PCNX2: variants seen among roughly 807,000 people sequenced by gnomAD.
PCNX2 encodes the protein pecanex-like protein 2.
PCNX2 carries 168 observed loss-of-function variants against 223.8 expected under a neutral mutation model. That is an observed-to-expected ratio of 0.75 (90% CI 0.66 to 0.85). The LOEUF (loss-of-function observed/expected upper bound fraction) is 0.85, where lower values mean the gene tolerates loss of function less well. Ranked by LOEUF, PCNX2 falls within the 40% of genes least tolerant of loss-of-function variation. The pLI, the probability that PCNX2 is intolerant of heterozygous loss-of-function variation, is 0.00. For synonymous variants in PCNX2, 1,006 were observed against 1,052.6 expected (o/e 0.96, Z 0.86); for missense variants, 2,507 against 2,675.5 (o/e 0.94, Z 1.39).
chr1:232,999,499 G>C lies in PCNX2; in HGVS notation c.5329-120C>G, dbSNP rs893967153. 83 of 1,196,790 alleles carry C rather than the reference G, an allele frequency of 6.9e-5. No homozygotes were observed. The East Asian group carries it at 1.2e-3, about 18-fold the overall frequency. 74.1% of individuals were successfully genotyped at this position (1,196,790 alleles called of 1,614,324 possible). ...ATAGAGTTTCGCTCTTGTTGCCCAGGCTGGAGTGCAATGGTGCAATCTCAG... is the reference window on the plus strand; with the variant it reads ...ATAGAGTTTCGCTCTTGTTGCCCAGCCTGGAGTGCAATGGTGCAATCTCAG... On this transcript the variant is annotated intron_variant, in intron 30 of 33. Transcript: ENST00000258229.
At chr1:233,294,127 G>T in intron 1 of PCNX2, 2 of 451,062 alleles carry the variant, frequency 4.4e-6, no homozygotes, top group Non-Finnish European at 5.8e-6. Flanking sequence ...TTTTAGAAAA[G>T]TTCAGTATCA....
chr1:233,023,236 G>C (rs569511268), intron 26 of PCNX2, among the ~76,000 whole-genome samples: 1 of 152,208 alleles, frequency 6.6e-6, no homozygotes, highest in African/African-American at 2.4e-5. Flanking sequence ...GGAGATAACA[G>C]AGATGGCTAG....
At chr1:233,025,510 G>A in intron 25 of PCNX2, 111 bp from the exon 26 acceptor site, 1 of 1,372,234 alleles carries the variant, frequency 7.3e-7, no homozygotes, top group Non-Finnish European at 9.7e-7. Flanking sequence ...AGGGAGTCGA[G>A]GAATCAGGAA....
chr1:233,034,161 G>A (rs192243529), intron 25 of PCNX2, among the ~76,000 whole-genome samples: 6 of 152,162 alleles, frequency 3.9e-5, no homozygotes, highest in African/African-American at 1.2e-4. Context: ...GCAATGAGCC[G>A]AGATCGTGCC....
At chr1:232,997,242 C>T (rs1240108882) in intron 32 of PCNX2, among the ~76,000 whole-genome samples, 1 of 152,192 alleles carries the variant, frequency 6.6e-6, no homozygotes, top group Non-Finnish European at 1.5e-5. Flanking sequence ...AAATAAACCT[C>T]TAAATTAATT....
At chr1:233,174,717 G>C (rs911402569) in intron 17 of PCNX2, among the ~76,000 whole-genome samples, 1 of 152,128 alleles carries the variant, frequency 6.6e-6, no homozygotes, top group East Asian at 1.9e-4. Context: ...AATAAAGGGT[G>C]TTGAAAATGA....
At chr1:233,183,049 T>C (rs1305869460) in intron 15 of PCNX2, among the ~76,000 whole-genome samples, 1 of 152,136 alleles carries the variant, frequency 6.6e-6, no homozygotes, top group Non-Finnish European at 1.5e-5. Flanking sequence ...TGGAAACACT[T>C]TCACTATGTT....
At chr1:233,031,344 T>C (rs1318398140) in intron 25 of PCNX2, among the ~76,000 whole-genome samples, 1 of 152,230 alleles carries the variant, frequency 6.6e-6, no homozygotes, top group Non-Finnish European at 1.5e-5. Context: ...TGGGATCTCA[T>C]ATCATTATTC....
chr1:233,133,887 A>G (rs1676653011), intron 21 of PCNX2, among the ~76,000 whole-genome samples: 1 of 152,064 alleles, frequency 6.6e-6, no homozygotes, highest in African/African-American at 2.4e-5. Flanking sequence ...AAAATAAAAA[A>G]CAAAGAAATT....
intron 28 of PCNX2, among the ~76,000 whole-genome samples, chr1:233,009,880 C>G (rs1670404923): frequency 6.6e-6 from 1 of 152,212 alleles, no homozygotes; most frequent in South Asian, 2.1e-4. Context: ...ACGCCAGGCC[C>G]AGGTGGGAGG....
At chr1:233,090,930 G>C (rs2102940170) in intron 22 of PCNX2, among the ~76,000 whole-genome samples, 1 of 152,306 alleles carries the variant, frequency 6.6e-6, no homozygotes, top group South Asian at 2.1e-4. Flanking sequence ...TAAGCCCAAT[G>C]GATCCTTGGT....
chr1:233,260,376 AGCACACCTAATCTGGAAGAATATGTTTC>A (rs1659983001), intron 4 of PCNX2, among the ~76,000 whole-genome samples: 1 of 152,226 alleles, frequency 6.6e-6, no homozygotes, highest in Non-Finnish European at 1.5e-5. Context: ...AGATTATTAT[AGCACACCTAATCTGGAAGAATATGTTTC>A]ATATGAAGAA....
the PCNX2 span, among the ~76,000 whole-genome samples, chr1:233,303,061 T>G: frequency 6.6e-6 from 1 of 152,160 alleles, no homozygotes; most frequent in Non-Finnish European, 1.5e-5. Context: ...TGTCTGCCTT[T>G]CTATCAGTTA....
chr1:233,258,595 C>T lies in PCNX2; in HGVS notation c.1267G>A (p.Ala423Thr), dbSNP rs751122451. 17 of 1,613,856 alleles carry T rather than the reference C, an allele frequency of 1.1e-5. No individual in the cohort carries two copies. In the South Asian group the frequency reaches 1.9e-4, roughly 18 times the overall value. Reference protein sequence around the residue: ...TNPGAAGSPNAEQISIPVITL... With the variant: ...TNPGAAGSPNTEQISIPVITL... Reference sequence around the variant, plus strand: ...ATTACAGGAATTGAGATCTGCTCGGCATTTGGAGAACCGGCCGCCCCTGGG... The same window carrying T: ...ATTACAGGAATTGAGATCTGCTCGGTATTTGGAGAACCGGCCGCCCCTGGG... The change falls in exon 5 of 34, where the codon GCC (alanine) becomes ACC (threonine). Residue 423 changes from alanine to threonine, a missense_variant. By Grantham distance (58) the Ala-to-Thr change is moderately conservative. This residue lies in a region of PCNX2 where 1,031 missense variants were observed against 1,021.7 expected (regional missense o/e 1.01). Coordinates refer to ENST00000258229, the MANE Select transcript of PCNX2 (RefSeq NM_014801.4).
intron 23 of PCNX2, chr1:233,058,066 C>T: frequency 1.0e-6 from 1 of 985,080 alleles, no homozygotes; most frequent in Non-Finnish European, 1.2e-6. Context: ...CTCGGATCAT[C>T]TGCAGCCATG....
chr1:233,195,576 A>G (rs1222039642), intron 15 of PCNX2, among the ~76,000 whole-genome samples: 1 of 152,226 alleles, frequency 6.6e-6, no homozygotes, highest in Non-Finnish European at 1.5e-5. Flanking sequence ...CTAAAATACT[A>G]CCAGAACTAA....
chr1:233,169,407 G>A (rs1679002036), intron 17 of PCNX2, among the ~76,000 whole-genome samples: 2 of 151,856 alleles, frequency 1.3e-5, no homozygotes, highest in Non-Finnish European at 2.9e-5. Flanking sequence ...AGCACTTTGG[G>A]AGGCCGAGAC....
intron 28 of PCNX2, among the ~76,000 whole-genome samples, chr1:233,006,938 A>G (rs1246131806): frequency 1.3e-5 from 2 of 151,646 alleles, no homozygotes; most frequent in South Asian, 4.2e-4. Flanking sequence ...TAGCATCTCC[A>G]CCTTGGGTAC....
At chr1:233,129,267 G>T (rs911244743) in intron 21 of PCNX2, among the ~76,000 whole-genome samples, 3 of 152,236 alleles carry the variant, frequency 2.0e-5, no homozygotes, top group Admixed American at 6.5e-5. Flanking sequence ...GCTGCAGAGG[G>T]TGCGCTGGGT....
Sources: allele counts gnomAD v4.1 joint callset (sites outside exome capture counted in the v4.1 genomes callset), GRCh38; gene constraint gnomAD v4.1.1; regional missense constraint gnomAD v4.1.1; transcripts MANE v1.5; gene names NCBI Gene and HGNC (gene_info 2026-07-23, HGNC 2026-07-21).